SNX29: variants seen among roughly 807,000 people sequenced by gnomAD.
The protein encoded by SNX29 is sorting nexin 29, also known as sorting nexin-29.
SNX29 carries 78 observed loss-of-function variants against 102.1 expected under a neutral mutation model. That is an observed-to-expected ratio of 0.76 (90% confidence interval 0.64 to 0.92). SNX29 has a LOEUF of 0.92. SNX29 is among the 40% of genes least tolerant of loss of function. The probability of loss-of-function intolerance (pLI) is 0.00; values close to 1 mark genes in which losing one functional copy is unlikely to be tolerated. For missense variants in SNX29, 1,280 were observed against 1,061.7 expected (o/e 1.21, Z -2.86); for synonymous variants, 580 against 414.5 (o/e 1.40, Z -4.85).
At chr16:12,564,523 C>T (rs1366206161) in intron 20 of SNX29, among the ~76,000 whole-genome samples, 1 of 152,178 alleles carries the variant, frequency 6.6e-6, no homozygotes, top group East Asian at 1.9e-4. Flanking sequence ...AGTTTTCTGA[C>T]TCTGAATATG....
At chr16:12,230,818 T>TCGTA (rs2077745731) in intron 14 of SNX29, among the ~76,000 whole-genome samples, 1 of 100,190 alleles carries the variant, frequency 1.0e-5, no homozygotes, top group Admixed American at 9.9e-5. Flanking sequence ...TTGTAATAAG[T>TCGTA]CGTATGTATG....
chr16:12,415,102 C>T (rs1457201266), intron 18 of SNX29, among the ~76,000 whole-genome samples: 1 of 152,212 alleles, frequency 6.6e-6, no homozygotes, highest in South Asian at 2.1e-4. Flanking sequence ...ACAAGAGAGA[C>T]CTCCCAGGGA....
At chr16:12,456,679 T>C (rs1387540188) in intron 18 of SNX29, among the ~76,000 whole-genome samples, 1 of 152,010 alleles carries the variant, frequency 6.6e-6, no homozygotes, top group East Asian at 1.9e-4. Flanking sequence ...TACTTGATAG[T>C]GTGTGCACCC....
intron 1 of SNX29, chr16:11,977,900 C>T (rs957958283): frequency 3.3e-5 from 5 of 152,262 alleles, no homozygotes; most frequent in African/African-American, 7.2e-5. Flanking sequence ...CGCCTATCCT[C>T]CTAGTGCCTG....
In SNX29 at chr16:12,027,303, C is replaced by A; in HGVS notation, c.123-17C>A. On this transcript the variant is annotated splice_polypyrimidine_tract_variant and intron_variant, in intron 3 of 20. Coordinates refer to ENST00000566228, the MANE Select transcript of SNX29 (RefSeq NM_032167.5). ...CCCTTTTCTGGGGGGACTGATGAGT[C>A]ATTGGTTTTCTCACAGGGTCACCTG... 6.2e-7 allele frequency: 1 copy of A among 1,613,108 alleles called. No homozygotes were observed. Among genetic ancestry groups the A allele is most frequent in the South Asian group, 1.1e-5 (1 of 90,970 alleles).
chr16:12,460,138 C>G (rs774739075), intron 18 of SNX29, among the ~76,000 whole-genome samples: 21 of 152,284 alleles, frequency 1.4e-4, no homozygotes, highest in South Asian at 6.2e-4. Flanking sequence ...GGCTGAATCA[C>G]GACCTCCCCA....
In SNX29 at chr16:12,146,275, T is replaced by C. The variant is rs79832052; in HGVS notation, c.1595+16517T>C. Among the ~76,000 whole-genome samples, 43 of 152,252 alleles carry C rather than the reference T, an allele frequency of 2.8e-4. No individual in the cohort carries two copies. In the East Asian group the frequency reaches 3.3e-3, roughly 12 times the overall value. The stretch of plus-strand genomic sequence containing the variant: ...GCAAAGTATATGATTTTTTTTTTTT[T>C]TCTTTTTGAAGGCAGAGTGTTTCCC... On this transcript the variant is annotated intron_variant, in intron 13 of 20. Coordinates refer to ENST00000566228, the MANE Select transcript of SNX29 (RefSeq NM_032167.5).
intron 20 of SNX29, among the ~76,000 whole-genome samples, chr16:12,553,582 C>G (rs1567185216): frequency 6.7e-6 from 1 of 148,632 alleles, no homozygotes; most frequent in Non-Finnish European, 1.5e-5. Context: ...TCTGAGGATG[C>G]TTTGTTCCCC....
chr16:12,000,020 C>T (rs1311282204), intron 2 of SNX29, among the ~76,000 whole-genome samples: 5 of 151,980 alleles, frequency 3.3e-5, no homozygotes, highest in East Asian at 3.9e-4. Flanking sequence ...TTAGGACCCT[C>T]GAGCACAAGA....
chr16:12,373,249 C>T (rs1434503137), intron 16 of SNX29, among the ~76,000 whole-genome samples: 1 of 152,240 alleles, frequency 6.6e-6, no homozygotes, highest in African/African-American at 2.4e-5. Context: ...CCTCCCACCT[C>T]AGCCTCCTGA....
intron 20 of SNX29, among the ~76,000 whole-genome samples, chr16:12,547,901 G>T (rs903444263): frequency 6.6e-6 from 1 of 152,138 alleles, no homozygotes; most frequent in Non-Finnish European, 1.5e-5. Flanking sequence ...GGCTGTATAG[G>T]AGCTGCTCTT....
chr16:12,546,935 G>A (rs144764905), intron 20 of SNX29, among the ~76,000 whole-genome samples: 12 of 152,330 alleles, frequency 7.9e-5, no homozygotes, highest in African/African-American at 2.9e-4. Flanking sequence ...CAGGGATGAA[G>A]AGAAAATAAA....
intron 5 of SNX29, among the ~76,000 whole-genome samples, chr16:12,044,328 G>C (rs1213576111): frequency 6.6e-6 from 1 of 152,078 alleles, no homozygotes; most frequent in Non-Finnish European, 1.5e-5. Flanking sequence ...CCTCTCTACT[G>C]GTAATGTCTC....
Position 12,569,747 on chromosome 16 carries a change from C to G in SNX29, c.*1118C>G, listed in dbSNP as rs531458488. On this transcript the variant is annotated 3_prime_UTR_variant, in exon 21 of 21. Coordinates refer to ENST00000566228, the MANE Select transcript of SNX29 (RefSeq NM_032167.5). ...CTGGGCAGCCCCCAGGGCTCCTCCT[C>G]CAGTGAGCTCACATCAGAGCACCTC... 4.3e-6 allele frequency: 1 copy of G among 230,632 alleles called. No homozygotes were observed. Among genetic ancestry groups the G allele is most frequent in the South Asian group, 1.8e-4 (1 of 5,496 alleles). The allele number at this position is 230,632 out of a possible 1,614,324, so 14.3% of individuals were successfully genotyped here.
chr16:12,573,299 T>G lies in SNX29; in HGVS notation c.*4670T>G. ...ACTCTAGCCATGAGCCATTGCCATCTTATGGGCCCGATTTGGGTACTCTGA... is the reference window on the plus strand; with the variant it reads ...ACTCTAGCCATGAGCCATTGCCATCGTATGGGCCCGATTTGGGTACTCTGA... On this transcript the variant is annotated 3_prime_UTR_variant, in exon 21 of 21. Coordinates refer to ENST00000566228, the MANE Select transcript of SNX29 (RefSeq NM_032167.5). 4.4e-6 allele frequency: 1 copy of G among 227,232 alleles called. No individual in the cohort carries two copies. The highest frequency in any genetic ancestry group is 6.3e-5 in the East Asian group (1 of 15,802). 14.1% of individuals were successfully genotyped at this position (227,232 alleles called of 1,614,324 possible).
chr16:12,235,438 A>G (rs746492848), intron 14 of SNX29, among the ~76,000 whole-genome samples: 11 of 152,086 alleles, frequency 7.2e-5, no homozygotes, highest in South Asian at 4.1e-4. Context: ...GGAGGTACAT[A>G]TTTGGCATGT....
At chr16:12,016,848 C>T (rs148997052) in intron 3 of SNX29, among the ~76,000 whole-genome samples, 297 of 151,992 alleles carry the variant, frequency 2.0e-3, no homozygotes, top group South Asian at 0.012. Context: ...TTATACTGGC[C>T]GAACACAGTG....
chr16:11,985,024 C>T (rs2055559439), intron 1 of SNX29, among the ~76,000 whole-genome samples: 1 of 151,794 alleles, frequency 6.6e-6, no homozygotes, highest in African/African-American at 2.4e-5. Context: ...AGGTAGTTTT[C>T]CATCCCTTAG....
intron 20 of SNX29, among the ~76,000 whole-genome samples, chr16:12,564,070 T>C (rs2078883504): frequency 6.6e-6 from 1 of 152,102 alleles, no homozygotes; most frequent in Non-Finnish European, 1.5e-5. Context: ...CGATGCTGTA[T>C]TTTGGGAGTT....
Sources: allele counts gnomAD v4.1 joint callset (sites outside exome capture counted in the v4.1 genomes callset), GRCh38; gene constraint gnomAD v4.1.1; transcripts MANE v1.5; gene names NCBI Gene and HGNC (gene_info 2026-07-23, HGNC 2026-07-21).